Variants in ADORA1 observed in about 807,000 individuals in gnomAD.
The protein encoded by ADORA1 is adenosine A1 receptor, also known as adenosine receptor A1.
A neutral mutation model predicts 19.9 loss-of-function variants in ADORA1; 6 were observed. That is an observed-to-expected ratio of 0.30 (90% CI 0.17 to 0.59). ADORA1 has a LOEUF of 0.59. Ranked by LOEUF, ADORA1 falls within the 20% of genes least tolerant of loss-of-function variation. The pLI is 0.87. For missense variants in ADORA1, 302 were observed against 439.2 expected (o/e 0.69, Z 2.79); for synonymous variants, 194 against 188.4 (o/e 1.03, Z -0.24).
intron 3 of ADORA1, among the ~76,000 whole-genome samples, chr1:203,138,806 C>G (rs1654590360): frequency 6.6e-6 from 1 of 152,042 alleles, no homozygotes; most frequent in African/African-American, 2.4e-5. Context: ...CTGTCTTACT[C>G]TGGGATTTTA....
At chr1:203,156,225 G>A (rs901861331) in intron 3 of ADORA1, among the ~76,000 whole-genome samples, 1 of 152,116 alleles carries the variant, frequency 6.6e-6, no homozygotes, top group Non-Finnish European at 1.5e-5. Context: ...AGTTAGATAG[G>A]GGGGAAGAGA....
intron 3 of ADORA1, among the ~76,000 whole-genome samples, chr1:203,141,033 A>G (rs1571789994): frequency 6.6e-6 from 1 of 152,352 alleles, no homozygotes; most frequent in South Asian, 2.1e-4. Flanking sequence ...GGGTCCTCTC[A>G]TAGCTGCTGT....
At chr1:203,147,090 C>T (rs1178347057) in intron 3 of ADORA1, among the ~76,000 whole-genome samples, 1 of 152,238 alleles carries the variant, frequency 6.6e-6, no homozygotes, top group Non-Finnish European at 1.5e-5. Flanking sequence ...CAAGTTGTAG[C>T]CGTAGGCAGG....
chr1:203,148,315 C>T (rs1003255167), intron 3 of ADORA1, among the ~76,000 whole-genome samples: 3 of 152,224 alleles, frequency 2.0e-5, no homozygotes, highest in Non-Finnish European at 4.4e-5. Flanking sequence ...GCAAGTTGCC[C>T]AGTCTCACCT....
intron 3 of ADORA1, among the ~76,000 whole-genome samples, chr1:203,153,366 A>G (rs1655098188): frequency 6.6e-6 from 1 of 152,150 alleles, no homozygotes; most frequent in South Asian, 2.1e-4. Flanking sequence ...ACAGTTGGGG[A>G]GGTTGCCAGA....
At chr1:203,147,148 C>T (rs917795790) in intron 3 of ADORA1, among the ~76,000 whole-genome samples, 1 of 152,200 alleles carries the variant, frequency 6.6e-6, no homozygotes, top group South Asian at 2.1e-4. Context: ...AAGTGGCAAC[C>T]ACAGAACCTG....
At chr1:203,163,876 G>A (rs908019667) in intron 3 of ADORA1, among the ~76,000 whole-genome samples, 1 of 152,180 alleles carries the variant, frequency 6.6e-6, no homozygotes, top group Non-Finnish European at 1.5e-5. Flanking sequence ...GGAAACAGTC[G>A]GCAGCCTCTC....
chr1:203,141,699 G>A (rs1173091076), intron 3 of ADORA1, among the ~76,000 whole-genome samples: 2 of 147,186 alleles, frequency 1.4e-5, no homozygotes, highest in African/African-American at 5.0e-5. Context: ...TCCTGCCTCA[G>A]CCTCTCGAGT....
intron 3 of ADORA1, among the ~76,000 whole-genome samples, chr1:203,137,239 A>G (rs1654540392): frequency 6.6e-6 from 1 of 152,204 alleles, no homozygotes; most frequent in Admixed American, 6.5e-5. Flanking sequence ...TGCAGGGGAA[A>G]GAACTAGAAC....
In ADORA1 at chr1:203,166,113, CA is replaced by C; in HGVS notation, c.*215del. 1.8e-6 allele frequency: 1 copy of C among 564,218 alleles called. No individual in the cohort carries two copies. Among genetic ancestry groups the C allele is most frequent in the Non-Finnish European group, 2.8e-6 (1 of 359,516 alleles). The allele number at this position is 564,218 out of a possible 1,614,324, so 35.0% of individuals were successfully genotyped here. ...GGGCCCTGCAGGAGGCCTGGGAGGGCAAGGGTCCTACGGAGGGACCAGGTGT... is the reference window on the plus strand; with the variant it reads ...GGGCCCTGCAGGAGGCCTGGGAGGGCAGGGTCCTACGGAGGGACCAGGTGT... On this transcript the variant is annotated 3_prime_UTR_variant, in exon 4 of 4. Coordinates refer to ENST00000337894, the MANE Select transcript of ADORA1 (RefSeq NM_000674.3).
At chr1:203,148,913 C>T (rs1438519821) in intron 3 of ADORA1, among the ~76,000 whole-genome samples, 4 of 151,946 alleles carry the variant, frequency 2.6e-5, no homozygotes, top group South Asian at 4.2e-4. Context: ...GTTTTTGCTC[C>T]GTTGCCCCAG....
chr1:203,161,874 C>A (rs551006530), intron 3 of ADORA1, among the ~76,000 whole-genome samples: 32 of 151,812 alleles, frequency 2.1e-4, no homozygotes, highest in Non-Finnish European at 1.3e-4. Flanking sequence ...CGCGCCCGGC[C>A]CCCTCAGGGC....
In ADORA1 at chr1:203,128,350, C is replaced by T. The variant is rs1210838892; in HGVS notation, c.-140C>T. 6 of 1,289,816 alleles carry T rather than the reference C, an allele frequency of 4.7e-6. No homozygotes were observed. The highest frequency in any genetic ancestry group is 5.1e-6 in the Non-Finnish European group (5 of 989,168). 79.9% of individuals were successfully genotyped at this position (1,289,816 alleles called of 1,614,324 possible). ...GCGCGTTGTCCAGAGCCCAGCCCAG[C>T]CCTACCGCGCGCGGCCCGGAGCTCT... On this transcript the variant is annotated 5_prime_UTR_variant, in exon 2 of 4. Transcript: ENST00000337894. The surrounding 1 kb of genome is among the most constrained non-coding windows in gnomAD (Gnocchi z 5.9).
chr1:203,144,117 CA>C (rs1169413582), intron 3 of ADORA1, among the ~76,000 whole-genome samples: 114 of 150,766 alleles, frequency 7.6e-4, no homozygotes, highest in Non-Finnish European at 1.1e-3. Context: ...CACACACACA[CA>C]CACAGCTGTT....
chr1:203,128,381 C>A lies in ADORA1; in HGVS notation c.-109C>A. 7.7e-7 allele frequency: 1 copy of A among 1,290,892 alleles called. No individual in the cohort carries two copies. Among genetic ancestry groups the A allele is most frequent in the Non-Finnish European group, 1.0e-6 (1 of 989,780 alleles). The allele number at this position is 1,290,892 out of a possible 1,614,324, so 80.0% of individuals were successfully genotyped here. A position where few individuals can be genotyped will look rare whatever the true frequency, so the allele number is the denominator to read the frequency against. ...CGCGCGCGGCCCGGAGCTCTGTTCC[C>A]TGGAACTTTGGGCACTGCCTCTGGG... On this transcript the variant is annotated 5_prime_UTR_variant, in exon 2 of 4. It adds an upstream start codon to the 5' untranslated region. Coordinates refer to ENST00000337894, the MANE Select transcript of ADORA1 (RefSeq NM_000674.3). The surrounding 1 kb of genome is among the most constrained non-coding windows in gnomAD (Gnocchi z 5.9).
intron 3 of ADORA1, among the ~76,000 whole-genome samples, chr1:203,161,572 AT>A (rs34898677): frequency 0.095 from 12,938 of 136,446 alleles, 698 homozygotes; most frequent in Non-Finnish European, 0.13. Context: ...CCTCAGGGCT[AT>A]TTTTTTTTTT....
In ADORA1 at chr1:203,151,066, C is replaced by T. The variant is rs548801239; in HGVS notation, c.342-14195C>T. Among the ~76,000 whole-genome samples, 60 of 152,262 alleles carry T rather than the reference C, an allele frequency of 3.9e-4. 1 individual carries two copies. The highest frequency in any genetic ancestry group is 9.9e-4 in the African/African-American group (41 of 41,548). On this transcript the variant is annotated intron_variant, in intron 3 of 3. Transcript: ENST00000337894. Reference sequence around the variant, plus strand: ...TGCATGGGATCTCTCCAGTGGGGGTCGGATTTACAGTTCCTTGGTGGAAAC... The same window carrying T: ...TGCATGGGATCTCTCCAGTGGGGGTTGGATTTACAGTTCCTTGGTGGAAAC...
intron 3 of ADORA1, among the ~76,000 whole-genome samples, chr1:203,136,103 A>G (rs976257664): frequency 2.0e-5 from 3 of 152,118 alleles, no homozygotes; most frequent in African/African-American, 7.2e-5. Flanking sequence ...GAGAGGAAGG[A>G]AGTGGAGAGA....
chr1:203,141,738 G>A (rs755016938), intron 3 of ADORA1, among the ~76,000 whole-genome samples: 8 of 151,890 alleles, frequency 5.3e-5, no homozygotes, highest in East Asian at 3.9e-4. Context: ...ATGCCACCAC[G>A]CCCAGGTAAT....
Sources: allele counts gnomAD v4.1 joint callset (sites outside exome capture counted in the v4.1 genomes callset), GRCh38; gene constraint gnomAD v4.1.1; non-coding constraint Gnocchi (gnomAD v3.1); transcripts MANE v1.5; gene names NCBI Gene and HGNC (gene_info 2026-07-23, HGNC 2026-07-21).